SCAMP4: variants seen among roughly 807,000 people sequenced by gnomAD.
SCAMP4 encodes the protein secretory carrier membrane protein 4.
SCAMP4 carries 19 observed loss-of-function variants against 32.1 expected under a neutral mutation model. The observed-to-expected ratio is 0.59, with a 90% CI of 0.41 to 0.87. SCAMP4 has a LOEUF of 0.87. Among genes scored for constraint, SCAMP4 ranks in the 40% least tolerant of loss-of-function variants. The probability of loss-of-function intolerance (pLI) is 0.00; values close to 1 mark genes in which losing one functional copy is unlikely to be tolerated. For synonymous variants in SCAMP4, 152 were observed against 132.7 expected, an observed-to-expected ratio of 1.15 and a Z score of -1.00; for missense variants, 302 against 309.0, an observed-to-expected ratio of 0.98 and a Z score of 0.17.
intron 1 of SCAMP4, among the ~76,000 whole-genome samples, chr19:1,909,845 G>A (rs2013344060): frequency 6.6e-6 from 1 of 152,194 alleles, no homozygotes; most frequent in Non-Finnish European, 1.5e-5. Context: ...CAGGAATGTG[G>A]TCAAGGGATG....
chr19:1,923,533 G>A (rs72977626), intron 6 of SCAMP4, among the ~76,000 whole-genome samples: 21 of 151,632 alleles, frequency 1.4e-4, no homozygotes, highest in Non-Finnish European at 2.8e-4. Context: ...CCCCTTGCAG[G>A]TTCCCGGTCA....
At chr19:1,916,187 G>A (rs1402742190) in intron 2 of SCAMP4, among the ~76,000 whole-genome samples, 1 of 151,224 alleles carries the variant, frequency 6.6e-6, no homozygotes, top group Admixed American at 6.6e-5. Flanking sequence ...GTGGTGAGCC[G>A]AGATCACGCC....
At chr19:1,918,509 C>G (rs2145452240) in intron 4 of SCAMP4, 1 of 585,304 alleles carries the variant, frequency 1.7e-6, no homozygotes, top group African/African-American at 1.9e-5. Context: ...GGCCTATAAT[C>G]CCAGCACTTT....
chr19:1,914,873 C>T, intron 1 of SCAMP4, 106 bp from the exon 2 acceptor site: 1 of 924,318 alleles, frequency 1.1e-6, no homozygotes, highest in Non-Finnish European at 1.7e-6. Context: ...CTGCTGTTTC[C>T]AGAGCACAGG....
intron 3 of SCAMP4, 47 bp downstream of exon 3, chr19:1,917,869 C>T: frequency 6.2e-7 from 1 of 1,609,236 alleles, no homozygotes; most frequent in Non-Finnish European, 8.5e-7. Context: ...GGCAGGGCTC[C>T]CCGAGGGAGG....
intron 2 of SCAMP4, among the ~76,000 whole-genome samples, chr19:1,916,442 A>G (rs190163109): frequency 6.6e-6 from 1 of 152,190 alleles, no homozygotes; most frequent in East Asian, 1.9e-4. Flanking sequence ...CAGGACTGTT[A>G]GCAGATAAAT....
chr19:1,912,396 T>G (rs749836878), intron 1 of SCAMP4: 74 of 1,517,124 alleles, frequency 4.9e-5, no homozygotes, highest in Admixed American at 4.1e-5. Flanking sequence ...TGGGCCGGCC[T>G]CGGGCCCGCG....
At chr19:1,921,563 C>G in intron 5 of SCAMP4, 1 of 985,480 alleles carries the variant, frequency 1.0e-6, no homozygotes, top group Non-Finnish European at 1.2e-6. Context: ...CTGACACTTG[C>G]ATGCGGGGGC....
At chr19:1,912,926 C>T (rs139243197) in intron 1 of SCAMP4, 79 of 1,610,180 alleles carry the variant, frequency 4.9e-5, no homozygotes, top group Non-Finnish European at 5.2e-5. Context: ...GCCTCCCCTA[C>T]CTGTGCACTG....
At chr19:1,911,848 G>C (rs544156634) in intron 1 of SCAMP4, 3 of 502,480 alleles carry the variant, frequency 6.0e-6, no homozygotes, top group Admixed American at 4.3e-5. Context: ...TTATATCTTC[G>C]TTTTTAAAAA....
Position 1,923,178 on chromosome 19 carries a change from G to A in SCAMP4, c.504G>A (p.Ala168=), listed in dbSNP as rs370341558. 268 of 1,549,340 alleles carry A rather than the reference G, an allele frequency of 1.7e-4. No individual in the cohort carries two copies. Among genetic ancestry groups the A allele is most frequent in the Non-Finnish European group, 2.0e-4 (230 of 1,145,694 alleles). Residue 168 remains alanine (A), a synonymous_variant, in exon 6 of 7, where the codon GCG becomes GCA. Transcript: ENST00000316097. ...FSVSAAMMAI[A]IMKVHRIYRG... is the part of the protein sequence containing the mutation. ...TGTCGGCTGCCATGATGGCCATCGC[G>A]ATCATGAAGGTGAGTCCTCGGCTTT...
At chr19:1,923,793 G>GT (rs1477083775) in intron 6 of SCAMP4, among the ~76,000 whole-genome samples, 2 of 122,736 alleles carry the variant, frequency 1.6e-5, no homozygotes, top group Admixed American at 9.9e-5. Context: ...TAATTATTTT[G>GT]TTTTTGTATT....
intron 4 of SCAMP4, chr19:1,918,530 G>T: frequency 1.8e-6 from 1 of 540,856 alleles, no homozygotes; most frequent in Non-Finnish European, 3.2e-6. Context: ...GGGAGGCCGA[G>T]GCAGGCGGAT....
chr19:1,923,744 G>GA (rs555551702), intron 6 of SCAMP4, among the ~76,000 whole-genome samples: 3,313 of 143,598 alleles, frequency 0.023, 221 homozygotes, highest in Middle Eastern at 0.098. Flanking sequence ...TCAGCCTCCC[G>GA]AGTAGCTGGG....
chr19:1,921,508 C>A, intron 5 of SCAMP4: 1 of 985,422 alleles, frequency 1.0e-6, no homozygotes, highest in Non-Finnish European at 1.2e-6. Flanking sequence ...AGCCTCTAAG[C>A]GGAGCATGCA....
At chr19:1,918,317 G>C in intron 4 of SCAMP4, 34 bp downstream of exon 4, 1 of 1,551,320 alleles carries the variant, frequency 6.4e-7, no homozygotes, top group Non-Finnish European at 8.7e-7. Flanking sequence ...TCTGCACCCA[G>C]AGGGAACCAG....
At chr19:1,922,019 C>G (rs2013935935) in intron 5 of SCAMP4, 2 of 985,388 alleles carry the variant, frequency 2.0e-6, no homozygotes, top group Non-Finnish European at 2.4e-6. Flanking sequence ...TGCGGGCTGC[C>G]TGTGCACCAG....
intron 1 of SCAMP4, chr19:1,912,965 C>CTGCGCCATG: frequency 3.1e-6 from 5 of 1,610,194 alleles, no homozygotes; most frequent in East Asian, 4.5e-5. Context: ...CCCGCGAGCC[C>CTGCGCCATG]TGCGCCATGT....
chr19:1,923,691 T>TCACTGCAA, intron 6 of SCAMP4, among the ~76,000 whole-genome samples: 1 of 145,686 alleles, frequency 6.9e-6, no homozygotes, highest in Admixed American at 7.1e-5. Context: ...CGATCTCTGC[T>TCACTGCAA]CACTGCAAGC....
Sources: allele counts gnomAD v4.1 joint callset (sites outside exome capture counted in the v4.1 genomes callset), GRCh38; gene constraint gnomAD v4.1.1; transcripts MANE v1.5; gene names NCBI Gene and HGNC (gene_info 2026-07-23, HGNC 2026-07-21).